AFP: variants seen among roughly 807,000 people sequenced by gnomAD.
The protein encoded by AFP is alpha fetoprotein, also known as alpha-fetoprotein.
In AFP, 64 loss-of-function variants were observed where a neutral mutation model predicts 78.9. That is an observed-to-expected ratio of 0.81 (90% confidence interval 0.66 to 1.00). AFP has a LOEUF of 1.00. Ranked by LOEUF, AFP falls within the 50% of genes least tolerant of loss-of-function variation. AFP has a pLI of 0.00. For missense variants in AFP, 689 were observed against 703.8 expected (o/e 0.98, Z 0.24); for synonymous variants, 254 against 243.8 (o/e 1.04, Z -0.39).
chr4:73,443,493 CA>C, intron 6 of AFP, 49 bp downstream of exon 6: 2 of 1,442,156 alleles, frequency 1.4e-6, no homozygotes, highest in Non-Finnish European at 2.0e-6. Context: ...ACAGAACTAC[CA>C]TTTTGCAATT....
At chr4:73,438,100 G>T (rs1719559689) in intron 2 of AFP, 74 bp from the exon 3 acceptor site, 2 of 1,580,042 alleles carry the variant, frequency 1.3e-6, no homozygotes, top group Admixed American at 1.8e-5. Flanking sequence ...ACAAACAAAT[G>T]AAAAACTATA....
At chr4:73,445,803 G>C (rs566658430) in intron 7 of AFP, among the ~76,000 whole-genome samples, 1 of 152,306 alleles carries the variant, frequency 6.6e-6, no homozygotes, top group South Asian at 2.1e-4. Flanking sequence ...CCCAGCAACA[G>C]TTTCTTGAGT....
intron 7 of AFP, 92 bp downstream of exon 7, chr4:73,445,214 A>G (rs1037693746): frequency 1.2e-5 from 18 of 1,503,316 alleles, no homozygotes; most frequent in East Asian, 2.3e-5. Context: ...TTTGACTTGA[A>G]TTGGTTACAG....
intron 4 of AFP, among the ~76,000 whole-genome samples, chr4:73,441,373 T>G (rs1164004233): frequency 6.6e-6 from 1 of 151,706 alleles, no homozygotes; most frequent in South Asian, 2.1e-4. Flanking sequence ...GAGACCATCC[T>G]GGCTAACATG....
intron 11 of AFP, among the ~76,000 whole-genome samples, chr4:73,451,330 G>A (rs1293714934): frequency 6.6e-6 from 1 of 152,082 alleles, no homozygotes; most frequent in East Asian, 1.9e-4. Flanking sequence ...ACTTCCTAAT[G>A]TCACTAGTAT....
chr4:73,455,156 C>A, intron 13 of AFP, 80 bp from the exon 14 acceptor site: 2 of 1,120,666 alleles, frequency 1.8e-6, no homozygotes, highest in East Asian at 2.4e-5. Context: ...ATGAATTCAC[C>A]CCGGATTGTA....
In AFP at chr4:73,452,601, A is replaced by G. The variant is rs1720034425; in HGVS notation, c.1629A>G (p.Val543=). 4 of 1,613,470 alleles carry G rather than the reference A, an allele frequency of 2.5e-6. No individual in the cohort carries two copies. In the African/African-American group the frequency reaches 4.0e-5, roughly 16 times the overall value. The part of the protein sequence containing the change: ...FHKDLCQAQG[V]ALQTMKQEFL... ...AGGATCTGTGCCAAGCTCAGGGTGT[A>G]GCGCTGCAAACAATGAAGCAAGAGT... is the stretch of plus-strand genomic sequence containing the variant. Residue 543 remains valine (V), a synonymous_variant, in exon 12 of 15, where the codon GTA becomes GTG. Coordinates refer to ENST00000395792, the MANE Select transcript of AFP (RefSeq NM_001134.3).
intron 5 of AFP, among the ~76,000 whole-genome samples, chr4:73,442,682 CAGAA>C (rs1219266457): frequency 1.3e-5 from 2 of 151,440 alleles, no homozygotes; most frequent in South Asian, 2.1e-4. Flanking sequence ...GACAGACAGA[CAGAA>C]AGAGAGAAAG....
intron 7 of AFP, 76 bp downstream of exon 7, chr4:73,445,198 A>G: frequency 6.3e-7 from 1 of 1,575,088 alleles, no homozygotes; most frequent in Non-Finnish European, 8.7e-7. Context: ...AAAAGGGAGA[A>G]GGTTGTTTGA....
intron 5 of AFP, 23 bp from the exon 6 acceptor site, chr4:73,443,324 C>T (rs1560393624): frequency 1.9e-6 from 3 of 1,555,564 alleles, no homozygotes; most frequent in Non-Finnish European, 2.7e-6. Context: ...GCTTTCATGA[C>T]ATTTTGTTTC....
rs1250520760 is a variant in AFP at position 73,455,643 on chromosome 4, C to CA, written c.*27dup. On this transcript the variant is annotated 3_prime_UTR_variant, in exon 15 of 15. Transcript: ENST00000395792. ...GCTCATATTGCAGGGGAAGAGAAGA[C>CA]AAAACGAGTCTTTCATTCGGTGTGA... The CA allele has an allele frequency of 1.4e-6, 1 of 695,452 alleles. No individual in the cohort carries two copies. Among genetic ancestry groups the CA allele is most frequent in the Non-Finnish European group, 2.6e-6 (1 of 382,998 alleles). The allele number at this position is 695,452 out of a possible 1,614,324, so 43.1% of individuals were successfully genotyped here.
At chr4:73,438,645 T>C (rs1393061237) in intron 3 of AFP, among the ~76,000 whole-genome samples, 6 of 152,140 alleles carry the variant, frequency 3.9e-5, no homozygotes, top group African/African-American at 1.4e-4. Flanking sequence ...TGGAAATTGA[T>C]ATAACAGCAA....
intron 6 of AFP, 124 bp downstream of exon 6, chr4:73,443,568 G>C: frequency 1.4e-6 from 1 of 723,496 alleles, no homozygotes. Context: ...CCCCTTTGAT[G>C]AGGGCTAATG....
Position 73,453,939 on chromosome 4 carries a change from A to T in AFP, c.1785+42A>T, listed in dbSNP as rs1560398757. ...TCATACTCAAAATACTTGCTATGGAATTTTCTGTAGTGGATAATGAAAGGA... is the reference window on the plus strand; with the variant it reads ...TCATACTCAAAATACTTGCTATGGATTTTTCTGTAGTGGATAATGAAAGGA... On this transcript the variant is annotated intron_variant, in intron 13 of 14. Coordinates refer to ENST00000395792, the MANE Select transcript of AFP (RefSeq NM_001134.3). The T allele has an allele frequency of 8.7e-6, 14 of 1,612,178 alleles. 1 individual carries two copies. In the South Asian group the frequency reaches 1.5e-4, roughly 18 times the overall value.
chr4:73,442,223 G>A (rs1456362493), intron 4 of AFP, 73 bp from the exon 5 acceptor site: 50 of 1,390,192 alleles, frequency 3.6e-5, no homozygotes, highest in Non-Finnish European at 4.5e-5. Flanking sequence ...ATAAATCCCA[G>A]TGTCCAGTTC....
intron 8 of AFP, among the ~76,000 whole-genome samples, chr4:73,448,996 C>T (rs1719908823): frequency 2.0e-5 from 3 of 152,018 alleles, no homozygotes; most frequent in Admixed American, 2.0e-4. Flanking sequence ...AGGTATTTAT[C>T]TTAGACATCA....
intron 14 of AFP, 68 bp downstream of exon 14, chr4:73,455,358 T>A (rs945028616): frequency 3.1e-6 from 4 of 1,303,430 alleles, no homozygotes; most frequent in Non-Finnish European, 4.4e-6. Context: ...CATAATGAGA[T>A]AGATCATGAG....
rs1160919355 is a variant in AFP at position 73,447,689 on chromosome 4, G to T, written c.1058+13G>T. The stretch of plus-strand genomic sequence containing the variant: ...TCTTCTTGGCAAGGTAACACACTCT[G>T]TAAATGCATGTTCATGCAAGTAAAA... On this transcript the variant is annotated intron_variant, in intron 8 of 14. Coordinates refer to ENST00000395792, the MANE Select transcript of AFP (RefSeq NM_001134.3). The T allele has an allele frequency of 3.8e-6, 6 of 1,579,744 alleles. No homozygotes were observed. Among genetic ancestry groups the T allele is most frequent in the Non-Finnish European group, 5.2e-6 (6 of 1,151,360 alleles).
Position 73,436,329 on chromosome 4 carries a change from AGAAAT to A in AFP, c.71_75del (p.Asn24IlefsTer20). On this transcript the variant is annotated frameshift_variant, in exon 1 of 15. Transcript: ENST00000395792. LOFTEE classifies it high-confidence loss of function. ...TTTTACTGAATCCAGAACACTGCAT[AGAAAT>A]GAATATGGAATAGGTGAGATATTTT... 6.3e-7 allele frequency: 1 copy of A among 1,587,162 alleles called. No homozygotes were observed. The highest frequency in any genetic ancestry group is 8.6e-7 in the Non-Finnish European group (1 of 1,160,416).
Sources: gnomAD v4.1 joint callset for allele counts (sites outside exome capture counted in the v4.1 genomes callset) on GRCh38, gnomAD v4.1.1 for gene constraint, MANE v1.5 for transcripts, NCBI Gene and HGNC (gene_info 2026-07-23, HGNC 2026-07-21) for gene names.